The following SMARCC1 variants were observed in gnomAD, a reference collection of about 807,000 sequenced individuals.
SMARCC1 encodes SWI/SNF complex subunit SMARCC1.
A neutral mutation model predicts 147.4 loss-of-function variants in SMARCC1; 43 were observed. The ratio of observed to expected loss-of-function variants is 0.29; its 90% CI spans 0.23 to 0.38. SMARCC1 has a LOEUF of 0.38. SMARCC1 is among the 10% of genes least tolerant of loss of function. SMARCC1 has a pLI of 1.00. For missense variants in SMARCC1, 1,119 were observed against 1,381.1 expected (o/e 0.81, Z 3.01); for synonymous variants, 495 against 484.4 (o/e 1.02, Z -0.29).
intron 26 of SMARCC1, among the ~76,000 whole-genome samples, chr3:47,608,466 G>A (rs1034857721): frequency 3.3e-5 from 5 of 152,104 alleles, no homozygotes; most frequent in Admixed American, 6.6e-5. Flanking sequence ...TATAATGGAT[G>A]ATCCGACTGA....
chr3:47,617,799 A>G (rs965601394), intron 25 of SMARCC1, among the ~76,000 whole-genome samples: 1 of 152,182 alleles, frequency 6.6e-6, no homozygotes, highest in African/African-American at 2.4e-5. Flanking sequence ...CTGCTTTCTA[A>G]TATTTATACA....
chr3:47,679,861 CA>C (rs35582823), intron 15 of SMARCC1, among the ~76,000 whole-genome samples: 872 of 78,500 alleles, frequency 0.011, 4 homozygotes, highest in African/African-American at 0.038. Context: ...GACTCCATCT[CA>C]AAAAAAAAAA....
intron 24 of SMARCC1, among the ~76,000 whole-genome samples, chr3:47,629,546 A>G (rs753543827): frequency 6.6e-6 from 1 of 152,208 alleles, no homozygotes; most frequent in African/African-American, 2.4e-5. Context: ...GTTCCAAGTC[A>G]TAAGACACTG....
intron 19 of SMARCC1, among the ~76,000 whole-genome samples, chr3:47,669,347 G>C (rs1021449473): frequency 2.0e-5 from 3 of 152,182 alleles, no homozygotes; most frequent in Non-Finnish European, 4.4e-5. Flanking sequence ...AAGAACAACT[G>C]TTGCTCCAGT....
At chr3:47,754,628 C>T (rs757513567) in intron 2 of SMARCC1, among the ~76,000 whole-genome samples, 9 of 151,984 alleles carry the variant, frequency 5.9e-5, no homozygotes, top group Non-Finnish European at 8.8e-5. Context: ...AAAAGTAACA[C>T]GCATTATTTT....
chr3:47,647,982 C>T (rs1180892820), intron 21 of SMARCC1, among the ~76,000 whole-genome samples: 1 of 152,134 alleles, frequency 6.6e-6, no homozygotes, highest in Non-Finnish European at 1.5e-5. Flanking sequence ...AATCTGCTCA[C>T]TGACATTCTA....
chr3:47,693,958 C>T (rs1475791553), intron 11 of SMARCC1, among the ~76,000 whole-genome samples: 5 of 152,100 alleles, frequency 3.3e-5, no homozygotes, highest in East Asian at 3.8e-4. Flanking sequence ...CCACTGCGTC[C>T]GGCCAAACGA....
chr3:47,663,602 C>T (rs1168833363), intron 19 of SMARCC1: 8 of 1,478,470 alleles, frequency 5.4e-6, no homozygotes, highest in African/African-American at 1.4e-5. Flanking sequence ...TCTCCTGCTG[C>T]TGTGGCCCAG....
At chr3:47,775,694 C>T (rs1366945382) in intron 1 of SMARCC1, among the ~76,000 whole-genome samples, 2 of 151,048 alleles carry the variant, frequency 1.3e-5, no homozygotes, top group Admixed American at 6.6e-5. Context: ...ATCGCTTGAA[C>T]CCAGGAGGCG....
In SMARCC1 at chr3:47,675,484, T is replaced by C. The variant is rs1232983191; in HGVS notation, c.1830A>G (p.Thr610=). Residue 610 remains threonine, a synonymous_variant, in exon 18 of 28, where the codon ACA becomes ACG. Transcript: ENST00000254480. ...GLRTDIYSKK[T]LAKSKGASAG... is the part of the protein sequence containing the mutation. ...TGATTAGAAAAATTACCTTTGCTAA[T>C]GTTTTCTTGGAGTAAATGTCAGTAC... 3.8e-6 allele frequency: 6 copies of C among 1,572,572 alleles called. No individual in the cohort carries two copies. The highest frequency in any genetic ancestry group is 1.7e-5 in the Admixed American group (1 of 59,916).
At chr3:47,593,122 T>G (rs1401121737) in intron 26 of SMARCC1, among the ~76,000 whole-genome samples, 4 of 151,786 alleles carry the variant, frequency 2.6e-5, no homozygotes, top group Admixed American at 2.6e-4. Flanking sequence ...CCACCGCACC[T>G]GGCCGTAGTC....
At chr3:47,641,484 C>T (rs1320924233) in intron 21 of SMARCC1, among the ~76,000 whole-genome samples, 3 of 151,258 alleles carry the variant, frequency 2.0e-5, no homozygotes, top group Admixed American at 2.0e-4. Context: ...TACCCTGTTT[C>T]AAAGGAAAAA....
chr3:47,612,968 C>T (rs2032584441), intron 25 of SMARCC1, among the ~76,000 whole-genome samples: 1 of 152,170 alleles, frequency 6.6e-6, no homozygotes, highest in African/African-American at 2.4e-5. Flanking sequence ...AATAAAATAA[C>T]TTTTCTTGTT....
At chr3:47,625,660 T>C (rs1297782022) in intron 24 of SMARCC1, among the ~76,000 whole-genome samples, 1 of 152,138 alleles carries the variant, frequency 6.6e-6, no homozygotes. Context: ...TCCTATCTCA[T>C]ACCACCCAGA....
rs2033437895 is a variant in SMARCC1, at chr3:47,667,548, G to C, written c.1899+3110C>G. ...TTCAAGCCCAAGAATAATTATAAAT[G>C]AACAGGAAGAATACTGCAATCAGTT... On this transcript the variant is annotated intron_variant, in intron 19 of 27. Transcript: ENST00000254480. Among the ~76,000 whole-genome samples the C allele has an allele frequency of 2.0e-5, 3 of 152,102 alleles. No individual in the cohort carries two copies. The South Asian group carries it at 6.2e-4, about 32-fold the overall frequency.
intron 2 of SMARCC1, among the ~76,000 whole-genome samples, chr3:47,758,756 CG>C (rs1284947888): frequency 2.0e-5 from 3 of 151,848 alleles, no homozygotes; most frequent in Non-Finnish European, 4.4e-5. Context: ...GGGTGTTGGC[CG>C]GGCGCGGTGG....
intron 14 of SMARCC1, among the ~76,000 whole-genome samples, chr3:47,684,721 G>A (rs1198774423): frequency 6.6e-6 from 1 of 152,084 alleles, no homozygotes; most frequent in Non-Finnish European, 1.5e-5. Flanking sequence ...GGGATTACAG[G>A]CATAAGCCAC....
chr3:47,689,272 A>G (rs2033764150), intron 13 of SMARCC1, 115 bp downstream of exon 13: 1 of 785,584 alleles, frequency 1.3e-6, no homozygotes, highest in Non-Finnish European at 2.1e-6. Flanking sequence ...AAATTCAAAA[A>G]CCAGAAGGGC....
intron 10 of SMARCC1, among the ~76,000 whole-genome samples, chr3:47,704,878 C>T (rs1237789222): frequency 6.6e-6 from 1 of 151,072 alleles, no homozygotes; most frequent in African/African-American, 2.4e-5. Flanking sequence ...GATCGCACCA[C>T]TGTGCTCCAG....
Sources: gnomAD v4.1 joint callset for allele counts (sites outside exome capture counted in the v4.1 genomes callset) on GRCh38, gnomAD v4.1.1 for gene constraint, MANE v1.5 for transcripts, NCBI Gene and HGNC (gene_info 2026-07-23, HGNC 2026-07-21) for gene names.